Variants in ERBB4 observed in about 807,000 individuals in gnomAD.
ERBB4 encodes the protein erb-b2 receptor tyrosine kinase 4.
ERBB4 carries 42 observed loss-of-function variants against 158.0 expected under a neutral mutation model. That is an observed-to-expected ratio of 0.27 (90% CI 0.21 to 0.34). The LOEUF (loss-of-function observed/expected upper bound fraction) is 0.34. ERBB4 is among the 10% of genes least tolerant of loss of function. The probability of loss-of-function intolerance (pLI) is 1.00; values close to 1 mark genes in which losing one functional copy is unlikely to be tolerated. For synonymous variants in ERBB4, 583 were observed against 558.7 expected (o/e 1.04, Z -0.61); for missense variants, 1,333 against 1,624.1 (o/e 0.82, Z 3.08).
At chr2:211,902,036 T>A (rs2079250680) in intron 3 of ERBB4, among the ~76,000 whole-genome samples, 1 of 152,046 alleles carries the variant, frequency 6.6e-6, no homozygotes, top group Non-Finnish European at 1.5e-5. Flanking sequence ...TTTTTTTTAG[T>A]TAGAAAGCTT....
rs530490789 is a variant in ERBB4 at position 211,868,376 on chromosome 2, T to C, written c.421+79054A>G. ...CTTTAGGTTTTGTGAAATGAAATCA[T>C]TCTTGTTCCCATAAGTTGCTATTGC... is the stretch of plus-strand genomic sequence containing the variant. On this transcript the variant is annotated intron_variant, in intron 3 of 27. Transcript: ENST00000342788. 1.0e-3 allele frequency among the ~76,000 whole-genome samples: 152 copies of C among 152,332 alleles called. 1 individual carries two copies. The highest frequency in any genetic ancestry group is 3.4e-3 in the Middle Eastern group (1 of 294).
At position 211,562,108 on chromosome 2, in the gene ERBB4, T is replaced by C. The variant is rs760553953; in HGVS notation, c.2302-20A>G. 2 of 1,604,982 alleles carry C rather than the reference T, an allele frequency of 1.2e-6. No homozygotes were observed. The highest frequency in any genetic ancestry group is 1.7e-6 in the Non-Finnish European group (2 of 1,176,104). On this transcript the variant is annotated intron_variant, in intron 19 of 27. Coordinates refer to ENST00000342788, the MANE Select transcript of ERBB4 (RefSeq NM_005235.3). ...AGCTTCCTGTAAGAAAAAAATGCAA[T>C]ACCATGATTTCAACTCAAATTTTCT...
chr2:212,181,573 G>A (rs1400127691), intron 1 of ERBB4, among the ~76,000 whole-genome samples: 1 of 151,544 alleles, frequency 6.6e-6, no homozygotes, highest in Non-Finnish European at 1.5e-5. Flanking sequence ...TTATATTACA[G>A]TCCTGCACTC....
intron 25 of ERBB4, among the ~76,000 whole-genome samples, chr2:211,399,846 AAGAC>A (rs1379330298): frequency 6.6e-6 from 1 of 152,136 alleles, no homozygotes; most frequent in Non-Finnish European, 1.5e-5. Flanking sequence ...TAAGAACAAT[AAGAC>A]AGACCTTGTA....
At chr2:211,923,232 G>C (rs900621525) in intron 3 of ERBB4, among the ~76,000 whole-genome samples, 4 of 152,136 alleles carry the variant, frequency 2.6e-5, no homozygotes, top group Admixed American at 2.0e-4. Flanking sequence ...GGAATTTAAA[G>C]AATGTAGAAT....
intron 20 of ERBB4, among the ~76,000 whole-genome samples, chr2:211,445,571 A>T (rs2064091030): frequency 6.6e-6 from 1 of 152,120 alleles, no homozygotes; most frequent in African/African-American, 2.4e-5. Context: ...AATCTTAAGA[A>T]GGTAAAACTA....
At chr2:212,255,937 C>T (rs970258184) in intron 1 of ERBB4, among the ~76,000 whole-genome samples, 1 of 151,950 alleles carries the variant, frequency 6.6e-6, no homozygotes, top group African/African-American at 2.4e-5. Context: ...CCTCCCACCT[C>T]AGCCTCCTGA....
intron 16 of ERBB4, among the ~76,000 whole-genome samples, chr2:211,641,310 T>C (rs929268645): frequency 6.6e-6 from 1 of 152,180 alleles, no homozygotes; most frequent in African/African-American, 2.4e-5. Context: ...TATCATTTTA[T>C]GCGGTTTCAC....
chr2:212,139,852 C>T (rs1403047835), intron 1 of ERBB4, among the ~76,000 whole-genome samples: 2 of 151,882 alleles, frequency 1.3e-5, no homozygotes, highest in African/African-American at 2.4e-5. Flanking sequence ...TTGAAGCACA[C>T]CTTTTCCGAA....
At chr2:212,361,285 G>A (rs1257373699) in intron 1 of ERBB4, among the ~76,000 whole-genome samples, 1 of 151,538 alleles carries the variant, frequency 6.6e-6, no homozygotes, top group Non-Finnish European at 1.5e-5. Flanking sequence ...CAAACCATAT[G>A]TGCCTCCATG....
At chr2:211,991,810 C>T (rs1575483430) in intron 2 of ERBB4, among the ~76,000 whole-genome samples, 1 of 152,120 alleles carries the variant, frequency 6.6e-6, no homozygotes, top group South Asian at 2.1e-4. Context: ...TCACATGTGC[C>T]TGGCGTCTGG....
chr2:211,599,949 T>C (rs1278800878), intron 19 of ERBB4, among the ~76,000 whole-genome samples: 1 of 152,166 alleles, frequency 6.6e-6, no homozygotes, highest in African/African-American at 2.4e-5. Context: ...TCAATATGGG[T>C]GCTTCTTGTC....
chr2:212,366,938 A>G (rs982408962), intron 1 of ERBB4, among the ~76,000 whole-genome samples: 5 of 152,036 alleles, frequency 3.3e-5, no homozygotes, highest in African/African-American at 1.2e-4. Flanking sequence ...TTCCAAATTT[A>G]TATGTTGAAG....
chr2:211,905,744 G>GTATATATATATA (rs66837219), intron 3 of ERBB4, among the ~76,000 whole-genome samples: 6 of 119,384 alleles, frequency 5.0e-5, no homozygotes, highest in African/African-American at 1.6e-4. Flanking sequence ...GCATGTGTGT[G>GTATATATATATA]TATATATATA....
intron 2 of ERBB4, among the ~76,000 whole-genome samples, chr2:212,046,037 TC>T (rs1172709530): frequency 6.6e-6 from 1 of 152,166 alleles, no homozygotes; most frequent in African/African-American, 2.4e-5. Flanking sequence ...ATTCTCATGA[TC>T]CACCATTTGC....
At position 212,373,932 on chromosome 2, in the gene ERBB4, T is replaced by TATATATCCATAA. The variant is rs2090203671; in HGVS notation, c.82+164516_82+164517insTTATGGATATAT. Among the ~76,000 whole-genome samples the TATATATCCATAA allele has an allele frequency of 2.6e-5, 2 of 75,776 alleles. 1 individual carries two copies. The highest frequency in any genetic ancestry group is 1.6e-4 in the African/African-American group (2 of 12,524). The allele number at this position is 75,776 out of a possible 152,430, so 49.7% of individuals were successfully genotyped here. A position where few individuals can be genotyped will look rare whatever the true frequency, so the allele number is the denominator to read the frequency against. On this transcript the variant is annotated intron_variant, in intron 1 of 27. Transcript: ENST00000342788. The stretch of plus-strand genomic sequence containing the variant: ...GTATATATCCATATATATATATCCA[T>TATATATCCATAA]ATATATCCATATATATATCATATAT...
intron 3 of ERBB4, among the ~76,000 whole-genome samples, chr2:211,872,371 T>C (rs1480220798): frequency 7.2e-5 from 11 of 152,146 alleles, no homozygotes; most frequent in Non-Finnish European, 1.3e-4. Flanking sequence ...TGTGTACCTA[T>C]GTATGGTTTT....
intron 1 of ERBB4, among the ~76,000 whole-genome samples, chr2:212,313,958 A>T (rs1245181760): frequency 2.0e-5 from 3 of 151,040 alleles, no homozygotes; most frequent in African/African-American, 7.3e-5. Flanking sequence ...CCTTCATCCC[A>T]CAATTTAAAC....
rs1160157567 is a variant in ERBB4 at position 211,377,627 on chromosome 2, C to A, written c.*5988G>T. On this transcript the variant is annotated 3_prime_UTR_variant, in exon 28 of 28. Transcript: ENST00000342788. ...AGCCTTTACCTTTATGATAATAAGA[C>A]TCCTCATTTGGGAGAAAAAAATTTA... The A allele has an allele frequency of 4.3e-6, 1 of 232,306 alleles. No homozygotes were observed. Among genetic ancestry groups the A allele is most frequent in the Admixed American group, 5.6e-5 (1 of 17,754 alleles). The allele number at this position is 232,306 out of a possible 1,614,324, so 14.4% of individuals were successfully genotyped here.
Sources: allele counts gnomAD v4.1 joint callset (sites outside exome capture counted in the v4.1 genomes callset), GRCh38; gene constraint gnomAD v4.1.1; transcripts MANE v1.5; gene names NCBI Gene and HGNC (gene_info 2026-07-23, HGNC 2026-07-21).